The following SFXN1 variants were observed in gnomAD, a reference collection of about 807,000 sequenced individuals.
SFXN1 encodes sideroflexin-1.
In SFXN1, 32 loss-of-function variants were observed where a neutral mutation model predicts 39.5. The ratio of observed to expected loss-of-function variants is 0.81; its 90% CI spans 0.61 to 1.09. SFXN1 has a LOEUF of 1.09. Ranked by LOEUF, SFXN1 falls within the 50% of genes least tolerant of loss-of-function variation. The pLI is 0.00. For missense variants in SFXN1, 402 were observed against 407.1 expected (o/e 0.99, Z 0.11); for synonymous variants, 136 against 146.5 (o/e 0.93, Z 0.52).
At chr5:175,486,616 A>T (rs918350766) in intron 1 of SFXN1, among the ~76,000 whole-genome samples, 2 of 152,022 alleles carry the variant, frequency 1.3e-5, no homozygotes, top group Admixed American at 6.6e-5. Flanking sequence ...ACAAAAATTT[A>T]AAAAAACAGA....
At chr5:175,497,936 GAAA>G (rs71581646) in intron 2 of SFXN1, among the ~76,000 whole-genome samples, 7 of 95,848 alleles carry the variant, frequency 7.3e-5, no homozygotes, top group Admixed American at 5.7e-4. Flanking sequence ...GTCTCAAAAA[GAAA>G]AAAAAAAAAA....
intron 1 of SFXN1, among the ~76,000 whole-genome samples, chr5:175,490,114 G>A (rs1264282857): frequency 6.6e-6 from 1 of 152,164 alleles, no homozygotes; most frequent in Non-Finnish European, 1.5e-5. Context: ...CACCTGGGCT[G>A]GAAATCCAGG....
intron 8 of SFXN1, among the ~76,000 whole-genome samples, chr5:175,517,629 G>T (rs1006766167): frequency 2.6e-5 from 4 of 152,144 alleles, no homozygotes; most frequent in African/African-American, 9.7e-5. Flanking sequence ...GTATATGTCG[G>T]TGTTGCATTT....
intron 1 of SFXN1, among the ~76,000 whole-genome samples, chr5:175,489,444 C>T (rs1759576083): frequency 1.3e-5 from 2 of 152,324 alleles, no homozygotes; most frequent in African/African-American, 4.8e-5. Flanking sequence ...AGAGCCCAAG[C>T]CTCTGTAGAC....
At chr5:175,509,603 C>A (rs1193105857) in intron 3 of SFXN1, among the ~76,000 whole-genome samples, 1 of 151,224 alleles carries the variant, frequency 6.6e-6, no homozygotes, top group African/African-American at 2.4e-5. Context: ...AAATCTTAGC[C>A]CCAAAAGAGA....
chr5:175,498,249 C>G (rs1759940300), intron 2 of SFXN1, among the ~76,000 whole-genome samples: 3 of 152,176 alleles, frequency 2.0e-5, no homozygotes, highest in African/African-American at 7.2e-5. Context: ...AATTAGAGAA[C>G]AGCAGAATAA....
intron 8 of SFXN1, 137 bp downstream of exon 8, chr5:175,516,800 G>A (rs985489923): frequency 8.9e-6 from 7 of 783,280 alleles, no homozygotes; most frequent in African/African-American, 1.8e-5. Flanking sequence ...ATAAAAAGAT[G>A]TTCCCAGGAA....
rs1335758720 is a variant in SFXN1, at chr5:175,488,604, C to G, written c.-9-3491C>G. 2.6e-5 allele frequency among the ~76,000 whole-genome samples: 4 copies of G among 152,204 alleles called. No individual in the cohort carries two copies. In the East Asian group the frequency reaches 7.7e-4, roughly 29 times the overall value. On this transcript the variant is annotated intron_variant, in intron 1 of 10. Coordinates refer to ENST00000321442, the MANE Select transcript of SFXN1 (RefSeq NM_022754.7). ...GTGAGCCACCACGCCCGGCCGACAC[C>G]AGATGCATTTCTGACTTCAGGTCTT...
At chr5:175,502,155 A>G (rs2113308002) in intron 2 of SFXN1, among the ~76,000 whole-genome samples, 1 of 152,322 alleles carries the variant, frequency 6.6e-6, no homozygotes, top group Non-Finnish European at 1.5e-5. Context: ...TCCAAAGTGC[A>G]AAATATCTCA....
intron 10 of SFXN1, chr5:175,526,059 A>G (rs924858192): frequency 6.6e-6 from 1 of 152,622 alleles, no homozygotes; most frequent in Non-Finnish European, 1.5e-5. Flanking sequence ...TAATACCTTC[A>G]AATACATTTT....
chr5:175,491,962 T>A, intron 1 of SFXN1, 133 bp from the exon 2 acceptor site: 1 of 552,276 alleles, frequency 1.8e-6, no homozygotes, highest in Non-Finnish European at 3.0e-6. Context: ...TTTTGCCATT[T>A]ATAGCAAAAT....
chr5:175,524,158 A>T (rs1310327618), intron 10 of SFXN1: 1 of 110,854 alleles, frequency 9.0e-6, no homozygotes, highest in African/African-American at 3.1e-5. Context: ...ATATATATAT[A>T]TATATATATA....
At chr5:175,514,348 C>T (rs1388665413) in intron 7 of SFXN1, among the ~76,000 whole-genome samples, 1 of 151,968 alleles carries the variant, frequency 6.6e-6, no homozygotes, top group African/African-American at 2.4e-5. Flanking sequence ...TCAGAATGAC[C>T]AAAAATAGAA....
At chr5:175,508,197 A>G (rs1392249263) in intron 2 of SFXN1, among the ~76,000 whole-genome samples, 1 of 149,576 alleles carries the variant, frequency 6.7e-6, no homozygotes, top group Non-Finnish European at 1.5e-5. Flanking sequence ...TCCAAACTAC[A>G]GATAATTTGA....
chr5:175,515,729 A>G (rs1760692766), intron 7 of SFXN1, among the ~76,000 whole-genome samples: 1 of 152,208 alleles, frequency 6.6e-6, no homozygotes, highest in Non-Finnish European at 1.5e-5. Context: ...ATTTCATGGA[A>G]GACAATTTTT....
At chr5:175,503,272 A>G (rs1760152224) in intron 2 of SFXN1, among the ~76,000 whole-genome samples, 1 of 152,248 alleles carries the variant, frequency 6.6e-6, no homozygotes, top group Admixed American at 6.5e-5. Flanking sequence ...TTACAAGATC[A>G]TAGAAAAAAA....
chr5:175,491,313 G>A (rs267381), intron 1 of SFXN1, among the ~76,000 whole-genome samples: 74,235 of 151,806 alleles, frequency 0.49, 18,456 homozygotes, highest in Non-Finnish European at 0.53. Flanking sequence ...ATGAATCTGC[G>A]TCTTTTTTAG....
intron 10 of SFXN1, chr5:175,523,633 C>A (rs1161776918): frequency 1.3e-5 from 2 of 152,042 alleles, no homozygotes; most frequent in African/African-American, 4.8e-5. Context: ...CTACTTTGGC[C>A]TTTTTTCTTT....
chr5:175,502,289 T>G (rs1484773304), intron 2 of SFXN1, among the ~76,000 whole-genome samples: 1 of 152,104 alleles, frequency 6.6e-6, no homozygotes, highest in Non-Finnish European at 1.5e-5. Flanking sequence ...TGTAGCTAAT[T>G]TGGTAGTCCT....
Sources: gnomAD v4.1 joint callset for allele counts (sites outside exome capture counted in the v4.1 genomes callset) on GRCh38, gnomAD v4.1.1 for gene constraint, MANE v1.5 for transcripts, NCBI Gene and HGNC (gene_info 2026-07-23, HGNC 2026-07-21) for gene names.